RALYL: variants seen among roughly 807,000 people sequenced by gnomAD.
RALYL encodes the protein RNA-binding Raly-like protein.
Under a neutral mutation model 35.1 loss-of-function variants are expected in RALYL, and 29 were observed. The observed-to-expected ratio is 0.83, with a 90% CI of 0.61 to 1.13. The LOEUF (loss-of-function observed/expected upper bound fraction) is 1.13, where lower values mean the gene tolerates loss of function less well. RALYL is among the 50% of genes most tolerant of loss of function. The probability of loss-of-function intolerance (pLI) is 0.00; values close to 1 mark genes in which losing one functional copy is unlikely to be tolerated. For missense variants in RALYL, 359 were observed against 360.4 expected, an observed-to-expected ratio of 1.00 and a Z score of 0.03; for synonymous variants, 120 against 127.6, an observed-to-expected ratio of 0.94 and a Z score of 0.40.
At chr8:84,854,306 A>G (rs1034897513) in intron 5 of RALYL, among the ~76,000 whole-genome samples, 5 of 152,086 alleles carry the variant, frequency 3.3e-5, no homozygotes. Flanking sequence ...AGATCGTGCC[A>G]CTGCACTCCA....
At chr8:84,709,339 G>A (rs1392873835) in intron 2 of RALYL, among the ~76,000 whole-genome samples, 1 of 152,008 alleles carries the variant, frequency 6.6e-6, no homozygotes, top group Non-Finnish European at 1.5e-5. Flanking sequence ...GGGTGCCCAT[G>A]GAGTTACTAC....
chr8:84,811,357 T>A (rs1825866911), intron 4 of RALYL, among the ~76,000 whole-genome samples: 1 of 152,114 alleles, frequency 6.6e-6, no homozygotes, highest in African/African-American at 2.4e-5. Context: ...TCCCTTCTAG[T>A]TTGTAGGGTT....
At chr8:84,666,759 A>C (rs567641422) in intron 2 of RALYL, among the ~76,000 whole-genome samples, 1 of 152,196 alleles carries the variant, frequency 6.6e-6, no homozygotes, top group East Asian at 1.9e-4. Context: ...CTCTTGCTTC[A>C]TACTCCCAGA....
At chr8:84,707,024 C>G (rs893115159) in intron 2 of RALYL, among the ~76,000 whole-genome samples, 1 of 152,052 alleles carries the variant, frequency 6.6e-6, no homozygotes, top group Non-Finnish European at 1.5e-5. Flanking sequence ...TTTTGAAAAT[C>G]AAAGTCTATC....
intron 1 of RALYL, among the ~76,000 whole-genome samples, chr8:84,199,241 C>G (rs1045348380): frequency 6.6e-6 from 1 of 152,056 alleles, no homozygotes; most frequent in African/African-American, 2.4e-5. Flanking sequence ...TTTCTCTGTG[C>G]ATTACTCTGA....
intron 1 of RALYL, among the ~76,000 whole-genome samples, chr8:84,189,058 A>G (rs940347502): frequency 6.6e-6 from 1 of 152,074 alleles, no homozygotes; most frequent in Non-Finnish European, 1.5e-5. Context: ...AGTATTTAGG[A>G]TTTACATTTT....
intron 8 of RALYL, among the ~76,000 whole-genome samples, chr8:84,915,386 T>C (rs530658947): frequency 2.1e-4 from 32 of 152,180 alleles, no homozygotes; most frequent in Non-Finnish European, 4.3e-4. Context: ...CCTGAATTTA[T>C]AGCTCAAAAC....
chr8:84,640,613 C>A (rs1423246181), intron 2 of RALYL, among the ~76,000 whole-genome samples: 1 of 151,778 alleles, frequency 6.6e-6, no homozygotes, highest in African/African-American at 2.4e-5. Flanking sequence ...TCTAGACCCT[C>A]GAGATAAAAT....
At chr8:84,538,672 A>G (rs527538023) in intron 2 of RALYL, among the ~76,000 whole-genome samples, 16 of 152,182 alleles carry the variant, frequency 1.1e-4, no homozygotes, top group Non-Finnish European at 2.4e-4. Flanking sequence ...TATACATAAG[A>G]TAACATGCAG....
At chr8:84,195,809 A>G (rs547778641) in intron 1 of RALYL, among the ~76,000 whole-genome samples, 27 of 152,154 alleles carry the variant, frequency 1.8e-4, no homozygotes, top group Non-Finnish European at 2.9e-4. Flanking sequence ...TTTAGAGCAA[A>G]TTGTCTGGAA....
chr8:84,553,771 A>G (rs2135471930), intron 2 of RALYL, among the ~76,000 whole-genome samples: 1 of 152,182 alleles, frequency 6.6e-6, no homozygotes, highest in Admixed American at 6.5e-5. Flanking sequence ...TACAGGTGGC[A>G]GTGGTCCTTT....
chr8:84,269,999 C>T (rs1162921456), intron 1 of RALYL, among the ~76,000 whole-genome samples: 1 of 151,886 alleles, frequency 6.6e-6, no homozygotes, highest in African/African-American at 2.4e-5. Flanking sequence ...TGGAATGCCT[C>T]AATTATAGTA....
In RALYL at chr8:84,356,597, A is replaced by C. The variant is rs910238538; in HGVS notation, c.-24+172173A>C. ...TTACCTCCAAGACTCCAGAAGATTC[A>C]TTTATAGGTCTACCCAGCCATGGCC... is the stretch of plus-strand genomic sequence containing the variant. On this transcript the variant is annotated intron_variant, in intron 1 of 8. Coordinates refer to ENST00000521268, the MANE Select transcript of RALYL (RefSeq NM_173848.7). Among the ~76,000 whole-genome samples the C allele has an allele frequency of 6.0e-5, 9 of 150,222 alleles. 1 individual carries two copies. Among genetic ancestry groups the C allele is most frequent in the Admixed American group, 1.3e-4 (2 of 15,132 alleles).
At chr8:84,208,444 A>AT (rs202162230) in intron 1 of RALYL, among the ~76,000 whole-genome samples, 1 of 151,270 alleles carries the variant, frequency 6.6e-6, no homozygotes, top group Non-Finnish European at 1.5e-5. Context: ...GTGTCTGGTA[A>AT]TTTTTTTTTA....
chr8:84,227,178 A>G (rs1017561723), intron 1 of RALYL, among the ~76,000 whole-genome samples: 10 of 144,456 alleles, frequency 6.9e-5, no homozygotes, highest in Non-Finnish European at 1.0e-4. Flanking sequence ...TTCCTGCCTC[A>G]GCCTCCTGAG....
At chr8:84,771,775 T>C (rs963532564) in intron 2 of RALYL, among the ~76,000 whole-genome samples, 2 of 152,048 alleles carry the variant, frequency 1.3e-5, no homozygotes, top group Non-Finnish European at 2.9e-5. Flanking sequence ...TTCCTATATA[T>C]TCAAGAAACA....
chr8:84,638,949 TACACACACACACACAGACACAC>T (rs1825721668), intron 2 of RALYL, among the ~76,000 whole-genome samples: 1 of 81,404 alleles, frequency 1.2e-5, no homozygotes, highest in South Asian at 4.1e-4. Context: ...CATATATATG[TACACACACACACACAGACACAC>T]ACACACACAC....
chr8:84,798,402 G>A (rs1435467416), intron 3 of RALYL, among the ~76,000 whole-genome samples: 2 of 151,810 alleles, frequency 1.3e-5, no homozygotes, highest in African/African-American at 2.4e-5. Flanking sequence ...AAGTTATTTA[G>A]TTATCTAATG....
intron 2 of RALYL, among the ~76,000 whole-genome samples, chr8:84,543,852 C>A (rs567229791): frequency 6.6e-6 from 1 of 152,068 alleles, no homozygotes; most frequent in East Asian, 1.9e-4. Flanking sequence ...TATTTAGATC[C>A]AATATTCTGG....
Sources: gnomAD v4.1 joint callset for allele counts (sites outside exome capture counted in the v4.1 genomes callset) on GRCh38, gnomAD v4.1.1 for gene constraint, MANE v1.5 for transcripts, NCBI Gene and HGNC (gene_info 2026-07-23, HGNC 2026-07-21) for gene names.